The following NCAPD3 variants were observed in gnomAD, a reference collection of about 807,000 sequenced individuals.
NCAPD3 encodes the protein condensin-2 complex subunit D3.
Under a neutral mutation model 182.9 loss-of-function variants are expected in NCAPD3, and 105 were observed. The observed-to-expected ratio is 0.57, with a 90% CI of 0.49 to 0.68. The LOEUF is 0.68. Among genes scored for constraint, NCAPD3 ranks in the 30% least tolerant of loss-of-function variants. The pLI, the probability that NCAPD3 is intolerant of heterozygous loss-of-function variation, is 0.00. For missense variants in NCAPD3, 1,944 were observed against 1,837.0 expected (o/e 1.06, Z -1.07); for synonymous variants, 815 against 679.9 (o/e 1.20, Z -3.09).
Position 134,215,109 on chromosome 11 carries a change from A to G in NCAPD3, c.382+1827T>C, listed in dbSNP as rs559387002. On this transcript the variant is annotated intron_variant, in intron 3 of 34. Coordinates refer to ENST00000534548, the MANE Select transcript of NCAPD3 (RefSeq NM_015261.3). The stretch of plus-strand genomic sequence containing the variant: ...GAAACAAAAACCACATGAGCACTTC[A>G]CAAGTGCAGAAAAGCGAATGACAAA... 1.1e-4 allele frequency among the ~76,000 whole-genome samples: 16 copies of G among 152,368 alleles called. No individual in the cohort carries two copies. In the South Asian group the frequency reaches 2.9e-3, roughly 28 times the overall value.
intron 13 of NCAPD3, among the ~76,000 whole-genome samples, chr11:134,200,024 T>C (rs1944717842): frequency 6.6e-6 from 1 of 152,188 alleles, no homozygotes; most frequent in Non-Finnish European, 1.5e-5. Context: ...GAAACAGTGC[T>C]ATGTCAACTG....
intron 4 of NCAPD3, chr11:134,209,708 CT>C (rs1937756951): frequency 4.3e-5 from 19 of 438,824 alleles, no homozygotes; most frequent in East Asian, 1.5e-4. Context: ...ATGAGGAATC[CT>C]TTTTTTCAGA....
At chr11:134,192,315 C>A (rs1295362548) in intron 16 of NCAPD3, among the ~76,000 whole-genome samples, 2 of 152,132 alleles carry the variant, frequency 1.3e-5, no homozygotes, top group African/African-American at 4.8e-5. Context: ...TCAATTAATC[C>A]AATGAGGTGT....
chr11:134,196,267 C>T (rs1216361696), intron 13 of NCAPD3, among the ~76,000 whole-genome samples: 2 of 148,574 alleles, frequency 1.3e-5, no homozygotes, highest in Non-Finnish European at 2.9e-5. Flanking sequence ...ATTTTTAGAA[C>T]GACAAGTTTT....
intron 23 of NCAPD3, among the ~76,000 whole-genome samples, chr11:134,176,687 C>T (rs1944175990): frequency 6.6e-6 from 1 of 152,230 alleles, no homozygotes; most frequent in African/African-American, 2.4e-5. Flanking sequence ...CCAGGACAGA[C>T]ATACAACCTA....
intron 24 of NCAPD3, among the ~76,000 whole-genome samples, chr11:134,174,755 T>C (rs544386176): frequency 1.3e-5 from 2 of 152,272 alleles, no homozygotes; most frequent in Non-Finnish European, 2.9e-5. Flanking sequence ...CACAAAGAAA[T>C]GATAAATGTT....
In NCAPD3 at chr11:134,192,782, A is replaced by G; in HGVS notation, c.1952T>C (p.Ile651Thr). 1.2e-6 allele frequency: 2 copies of G among 1,614,252 alleles called. No individual in the cohort carries two copies. Among genetic ancestry groups the G allele is most frequent in the Non-Finnish European group, 1.7e-6 (2 of 1,180,048 alleles). The change falls in exon 16 of 35, where the codon ATC (isoleucine) becomes ACC (threonine). Residue 651 changes from isoleucine (I) to threonine (T), a missense_variant. Physicochemically the swap from Ile to Thr is moderately conservative, Grantham distance 89 (BLOSUM62 -1). Around this residue, in one of 3 missense-constraint regions of NCAPD3, gnomAD observed 1,803 missense variants for 1,674.6 expected, o/e 1.08. Coordinates refer to ENST00000534548, the MANE Select transcript of NCAPD3 (RefSeq NM_015261.3). ...EFLDQLLLQNIRHHSHFHSGD... is the reference protein window; with the variant it reads ...EFLDQLLLQNTRHHSHFHSGD... ...AGAGTGAAAATGACTGTGATGCCGGATGTTCTGCAGCAGCAGCTGGTCCAG... is the reference window on the plus strand; with the variant it reads ...AGAGTGAAAATGACTGTGATGCCGGGTGTTCTGCAGCAGCAGCTGGTCCAG...
At chr11:134,218,302 C>A (rs1938105289) in intron 2 of NCAPD3, among the ~76,000 whole-genome samples, 1 of 152,072 alleles carries the variant, frequency 6.6e-6, no homozygotes, top group African/African-American at 2.4e-5. Flanking sequence ...CGTCAGTGAC[C>A]CTGCACTCCC....
rs1214949760 is a variant in NCAPD3 at position 134,157,917 on chromosome 11, A to G, written c.4174+11T>C. ...TGCTCTACTGTGTCTGGCACCAAAC[A>G]TAAGGCTTACCCTGACTGCACGTTT... On this transcript the variant is annotated intron_variant, in intron 31 of 34. Transcript: ENST00000534548. 6.2e-7 allele frequency: 1 copy of G among 1,610,860 alleles called. No individual in the cohort carries two copies. Among genetic ancestry groups the G allele is most frequent in the Non-Finnish European group, 8.5e-7 (1 of 1,178,062 alleles).
In NCAPD3 at chr11:134,188,582, C is replaced by A. The variant is rs191524367; in HGVS notation, c.2046-3056G>T. ...GAAGTCAGTGAGATGACAAACCCAC[C>A]AGGAGGAACAAACAACTCCGGATGT... On this transcript the variant is annotated intron_variant, in intron 16 of 34. Transcript: ENST00000534548. Among the ~76,000 whole-genome samples the A allele has an allele frequency of 1.9e-3, 293 of 152,292 alleles. 5 individuals are homozygous for A. Among genetic ancestry groups the A allele is most frequent in the Middle Eastern group, 0.014 (4 of 294 alleles).
At chr11:134,224,377 G>T (rs1381183221), upstream of NCAPD3, 1 of 223,752 alleles carries the variant, frequency 4.5e-6, no homozygotes, top group Non-Finnish European at 9.1e-6. Context: ...AATGTGAAAG[G>T]CAGCCCAACG....
In NCAPD3 at chr11:134,158,340, C is replaced by T. The variant is rs956644024; in HGVS notation, c.4023G>A (p.Leu1341=). The change falls in exon 30 of 35, where the codon CTG becomes CTA. Residue 1341 remains leucine (L), a synonymous_variant. Transcript: ENST00000534548. ...TPETGPLQRL[L]PKARPMSLST... ...CAGGGGCTCTTTACCTGGCTTTGGG[C>T]AGCAACCTCTGCAATGGCCCTGTTT... 6 of 1,613,998 alleles carry T rather than the reference C, an allele frequency of 3.7e-6. No individual in the cohort carries two copies. The East Asian group carries it at 1.1e-4, about 30-fold the overall frequency.
rs368157827 is a variant in NCAPD3, at chr11:134,169,782, C to T, written c.3102-728G>A. On this transcript the variant is annotated intron_variant, in intron 24 of 34. Coordinates refer to ENST00000534548, the MANE Select transcript of NCAPD3 (RefSeq NM_015261.3). ...GCCACCACAGAGTTTCTGTTCATCA[C>T]GATAGTAGGTGACAGAGTGCCAAAG... Among the ~76,000 whole-genome samples the T allele has an allele frequency of 5.1e-3, 773 of 152,326 alleles. 4 individuals carry two copies. The highest frequency in any genetic ancestry group is 8.5e-3 in the Admixed American group (130 of 15,294).
chr11:134,168,372 T>C (rs904746752), intron 26 of NCAPD3, 97 bp downstream of exon 26: 2 of 1,555,360 alleles, frequency 1.3e-6, no homozygotes, highest in Non-Finnish European at 1.8e-6. Flanking sequence ...CTTCCTGCAG[T>C]GCCAGGGTCT....
At chr11:134,212,375 T>TTTTGTG (rs1555142796) in intron 3 of NCAPD3, among the ~76,000 whole-genome samples, 2 of 143,172 alleles carry the variant, frequency 1.4e-5, no homozygotes, top group Non-Finnish European at 1.5e-5. Flanking sequence ...TTTTGTTGTT[T>TTTTGTG]TGTGTGTGTG....
intron 3 of NCAPD3, among the ~76,000 whole-genome samples, chr11:134,210,695 A>G (rs1365168192): frequency 6.6e-6 from 1 of 152,234 alleles, no homozygotes; most frequent in East Asian, 1.9e-4. Context: ...TACACTTGTT[A>G]ACGACTAGAA....
At chr11:134,163,710 A>G (rs1943662685) in intron 27 of NCAPD3, among the ~76,000 whole-genome samples, 1 of 149,784 alleles carries the variant, frequency 6.7e-6, no homozygotes, top group Admixed American at 6.6e-5. Context: ...CAAAAAAAAA[A>G]AAAAAAAAAA....
At chr11:134,193,508 T>C (rs1177256586) in intron 15 of NCAPD3, among the ~76,000 whole-genome samples, 1 of 152,236 alleles carries the variant, frequency 6.6e-6, no homozygotes, top group African/African-American at 2.4e-5. Context: ...ATCCCAGCAC[T>C]TTGGGAGGCC....
chr11:134,177,295 T>C lies in NCAPD3; in HGVS notation c.2945A>G (p.Asn982Ser), dbSNP rs758143340. 1.1e-5 allele frequency: 18 copies of C among 1,614,078 alleles called. No individual in the cohort carries two copies. Among genetic ancestry groups the C allele is most frequent in the South Asian group, 1.1e-4 (10 of 91,084 alleles). Residue 982 changes from asparagine (N) to serine (S), a missense_variant, in exon 23 of 35, where the codon AAC (asparagine) becomes AGC (serine). Physicochemically the swap from Asn to Ser is conservative, Grantham distance 46. Around this residue, in one of 3 missense-constraint regions of NCAPD3, gnomAD observed 1,803 missense variants for 1,674.6 expected, o/e 1.08. Coordinates refer to ENST00000534548, the MANE Select transcript of NCAPD3 (RefSeq NM_015261.3). ...YTIMVDKYIP[N>S]ISMCLKDSDP... Reference sequence around the variant, plus strand: ...GGAATCCTTCAGACACATGGAGATGTTGGGAATATACTTGTCCACCATGAT... The same window carrying C: ...GGAATCCTTCAGACACATGGAGATGCTGGGAATATACTTGTCCACCATGAT...
Sources: allele counts gnomAD v4.1 joint callset (sites outside exome capture counted in the v4.1 genomes callset), GRCh38; gene constraint gnomAD v4.1.1; regional missense constraint gnomAD v4.1.1; transcripts MANE v1.5; gene names NCBI Gene and HGNC (gene_info 2026-07-23, HGNC 2026-07-21).